ASTN2: variants seen among roughly 807,000 people sequenced by gnomAD.
ASTN2 encodes astrotactin-2.
A neutral mutation model predicts 139.8 loss-of-function variants in ASTN2; 54 were observed. That is an observed-to-expected ratio of 0.39 (90% CI 0.31 to 0.48). ASTN2 has a LOEUF of 0.48. Among genes scored for constraint, ASTN2 ranks in the 20% least tolerant of loss-of-function variants. ASTN2 has a pLI of 0.95. For synonymous variants in ASTN2, 756 were observed against 719.5 expected, an observed-to-expected ratio of 1.05 and a Z score of -0.81; for missense variants, 1,565 against 1,725.1, an observed-to-expected ratio of 0.91 and a Z score of 1.64.
chr9:117,012,937 G>A (rs1048098245), intron 6 of ASTN2, among the ~76,000 whole-genome samples: 1 of 152,170 alleles, frequency 6.6e-6, no homozygotes, highest in Non-Finnish European at 1.5e-5. Context: ...AAAATATGGC[G>A]TCTGCCTACT....
intron 10 of ASTN2, among the ~76,000 whole-genome samples, chr9:116,896,402 T>A (rs1833879670): frequency 6.6e-6 from 1 of 152,158 alleles, no homozygotes; most frequent in African/African-American, 2.4e-5. Context: ...AATGGCATTA[T>A]CTTGGCCTAC....
At chr9:116,706,053 A>C (rs1001269976) in intron 16 of ASTN2, among the ~76,000 whole-genome samples, 2 of 152,080 alleles carry the variant, frequency 1.3e-5, no homozygotes, top group Non-Finnish European at 2.9e-5. Context: ...CTTCATACTT[A>C]TAGAGGTGGT....
intron 1 of ASTN2, among the ~76,000 whole-genome samples, chr9:117,298,692 G>A (rs202134307): frequency 0.018 from 1,222 of 69,542 alleles, 21 homozygotes; most frequent in African/African-American, 0.054. Flanking sequence ...ATATATATAT[G>A]TGCATATGTA....
intron 16 of ASTN2, among the ~76,000 whole-genome samples, chr9:116,682,874 T>A (rs1235741802): frequency 6.6e-6 from 1 of 151,748 alleles, no homozygotes; most frequent in Non-Finnish European, 1.5e-5. Flanking sequence ...TGGGGACTGT[T>A]GTGGGGTGGA....
At chr9:116,443,463 T>C (rs1039980870) in intron 20 of ASTN2, among the ~76,000 whole-genome samples, 3 of 152,112 alleles carry the variant, frequency 2.0e-5, no homozygotes, top group Non-Finnish European at 2.9e-5. Context: ...CCATGCTATA[T>C]TGATGGAAGC....
intron 11 of ASTN2, among the ~76,000 whole-genome samples, chr9:116,824,628 A>G (rs1831575826): frequency 6.6e-6 from 1 of 152,254 alleles, no homozygotes; most frequent in African/African-American, 2.4e-5. Context: ...AGAACCACAC[A>G]TAGAAGCTGC....
intron 3 of ASTN2, among the ~76,000 whole-genome samples, chr9:117,195,833 C>T (rs1415596220): frequency 2.0e-5 from 3 of 152,126 alleles, no homozygotes; most frequent in South Asian, 2.1e-4. Context: ...GTTCCCTGCA[C>T]CCTTGGGGAC....
intron 1 of ASTN2, among the ~76,000 whole-genome samples, chr9:117,346,163 G>T (rs190574102): frequency 6.6e-6 from 1 of 152,086 alleles, no homozygotes; most frequent in Non-Finnish European, 1.5e-5. Context: ...AGACTCACTT[G>T]TACTGACTCT....
chr9:116,681,585 G>C (rs1419760227), intron 16 of ASTN2, among the ~76,000 whole-genome samples: 3 of 152,094 alleles, frequency 2.0e-5, no homozygotes, highest in Non-Finnish European at 4.4e-5. Context: ...TAAGCCAAAA[G>C]AACAAAGCTG....
chr9:117,055,685 G>A (rs560908320), intron 5 of ASTN2, among the ~76,000 whole-genome samples: 1 of 152,242 alleles, frequency 6.6e-6, no homozygotes. Context: ...ATCAGTCTTC[G>A]AGTACATGGA....
At chr9:117,236,121 G>A (rs1422790687) in intron 2 of ASTN2, among the ~76,000 whole-genome samples, 4 of 152,146 alleles carry the variant, frequency 2.6e-5, no homozygotes, top group Non-Finnish European at 5.9e-5. Flanking sequence ...GAAAACTGAG[G>A]CACATTCACC....
chr9:116,716,932 T>C (rs923585007), intron 16 of ASTN2, among the ~76,000 whole-genome samples: 11 of 152,228 alleles, frequency 7.2e-5, no homozygotes, highest in African/African-American at 2.4e-4. Flanking sequence ...ATGTTTACCT[T>C]TGGGTTTGAT....
chr9:116,632,283 A>AAGAAAGAAAGAAAGAAAGAAAGAT (rs1175363468), intron 17 of ASTN2, among the ~76,000 whole-genome samples: 1 of 150,062 alleles, frequency 6.7e-6, no homozygotes, highest in Non-Finnish European at 1.5e-5. Context: ...GAAAGAAAGA[A>AAGAAAGAAAGAAAGAAAGAAAGAT]AGATCACAAG....
intron 12 of ASTN2, among the ~76,000 whole-genome samples, chr9:116,806,099 C>T (rs983953645): frequency 1.3e-5 from 2 of 152,198 alleles, no homozygotes; most frequent in Non-Finnish European, 2.9e-5. Flanking sequence ...AGACTGTTTC[C>T]CATGAACATA....
intron 10 of ASTN2, among the ~76,000 whole-genome samples, chr9:116,893,664 TTAG>T (rs1833817010): frequency 6.6e-6 from 1 of 152,082 alleles, no homozygotes; most frequent in South Asian, 2.1e-4. Context: ...GCAGTTATTA[TTAG>T]TATCATTCCC....
At chr9:117,296,836 T>C (rs1214959594) in intron 1 of ASTN2, among the ~76,000 whole-genome samples, 1 of 152,138 alleles carries the variant, frequency 6.6e-6, no homozygotes, top group Non-Finnish European at 1.5e-5. Flanking sequence ...CTCTCCCCCA[T>C]GGGCTGCAAC....
At chr9:117,088,988 C>T (rs1452298873) in intron 5 of ASTN2, among the ~76,000 whole-genome samples, 1 of 152,214 alleles carries the variant, frequency 6.6e-6, no homozygotes, top group Non-Finnish European at 1.5e-5. Flanking sequence ...TTCAGCTGTA[C>T]AGAAGCTTAT....
At chr9:117,010,909 C>A (rs1454833077) in intron 6 of ASTN2, among the ~76,000 whole-genome samples, 1 of 152,126 alleles carries the variant, frequency 6.6e-6, no homozygotes, top group Non-Finnish European at 1.5e-5. Context: ...GTGAGCTATC[C>A]CTGGAGAGGG....
chr9:117,064,796 A>G (rs920747033), intron 5 of ASTN2, among the ~76,000 whole-genome samples: 21 of 126,832 alleles, frequency 1.7e-4, no homozygotes, highest in African/African-American at 5.3e-4. Flanking sequence ...AGATCTATAT[A>G]CTTAAAAAAA....
Sources: allele counts gnomAD v4.1 joint callset (sites outside exome capture counted in the v4.1 genomes callset), GRCh38; gene constraint gnomAD v4.1.1; transcripts MANE v1.5; gene names NCBI Gene and HGNC (gene_info 2026-07-23, HGNC 2026-07-21).